FAM120A: variants seen among roughly 807,000 people sequenced by gnomAD.
FAM120A encodes family with sequence similarity 120 member A.
A neutral mutation model predicts 109.7 loss-of-function variants in FAM120A; 15 were observed. That is an observed-to-expected ratio of 0.14 (90% CI 0.09 to 0.21). FAM120A has a LOEUF of 0.21. FAM120A is among the 10% of genes least tolerant of loss of function. The pLI is 1.00. For synonymous variants in FAM120A, 493 were observed against 572.8 expected (o/e 0.86, Z 1.99); for missense variants, 899 against 1,439.3 (o/e 0.62, Z 6.07).
At chr9:93,523,297 T>C (rs1389152993) in intron 7 of FAM120A, 1 of 1,289,004 alleles carries the variant, frequency 7.8e-7, no homozygotes. Flanking sequence ...CAACTCTACT[T>C]GCAAAAAAAC....
chr9:93,537,637 G>A (rs1014637849), intron 10 of FAM120A, among the ~76,000 whole-genome samples: 4 of 151,988 alleles, frequency 2.6e-5, no homozygotes, highest in African/African-American at 7.3e-5. Flanking sequence ...ATTGATTCCT[G>A]TATTTTTAAA....
rs117880863 is a variant in FAM120A at position 93,460,924 on chromosome 9, A to G, written c.474+8535A>G. Among the ~76,000 whole-genome samples, 145 of 152,110 alleles carry G rather than the reference A, an allele frequency of 9.5e-4. No individual in the cohort carries two copies. The East Asian group carries it at 0.021, about 22-fold the overall frequency. On this transcript the variant is annotated intron_variant, in intron 1 of 17. Coordinates refer to ENST00000277165, the MANE Select transcript of FAM120A (RefSeq NM_014612.5). ...CCTTTTATGCTTCTTAACTTAGGAG[A>G]TGTGTTGAGGGCATAAAATGGGTGA...
At chr9:93,540,262 C>G (rs1242353466) in intron 10 of FAM120A, among the ~76,000 whole-genome samples, 1 of 152,234 alleles carries the variant, frequency 6.6e-6, no homozygotes, top group African/African-American at 2.4e-5. Flanking sequence ...GGTTCCACCT[C>G]TATTCTCTGG....
intron 3 of FAM120A, among the ~76,000 whole-genome samples, chr9:93,484,966 A>G (rs1216353892): frequency 6.6e-6 from 1 of 152,206 alleles, no homozygotes; most frequent in East Asian, 1.9e-4. Context: ...AACATTTTCT[A>G]GCTTACTTCC....
At chr9:93,563,313 T>C (rs1862537309) in intron 17 of FAM120A, among the ~76,000 whole-genome samples, 1 of 152,200 alleles carries the variant, frequency 6.6e-6, no homozygotes, top group African/African-American at 2.4e-5. Context: ...AATGACTGTT[T>C]GAAGGTGAAA....
At chr9:93,521,354 A>G (rs947506413) in intron 7 of FAM120A, among the ~76,000 whole-genome samples, 32 of 152,214 alleles carry the variant, frequency 2.1e-4, no homozygotes, top group Non-Finnish European at 1.6e-4. Flanking sequence ...GTGGTGGCTC[A>G]TGCTTTAATC....
intron 7 of FAM120A, among the ~76,000 whole-genome samples, chr9:93,519,963 AC>A (rs2131426015): frequency 6.6e-6 from 1 of 151,940 alleles, no homozygotes; most frequent in African/African-American, 2.4e-5. Flanking sequence ...GTAGCCTCAA[AC>A]TCCTGGGCTC....
chr9:93,518,672 C>T (rs771763059), intron 7 of FAM120A, among the ~76,000 whole-genome samples: 14 of 152,012 alleles, frequency 9.2e-5, no homozygotes, highest in African/African-American at 3.4e-4. Flanking sequence ...GAAGACATGC[C>T]GAGAGTGAGG....
chr9:93,479,090 ATTTTTTTTTTTTTTTT>A (rs11296612), intron 3 of FAM120A, among the ~76,000 whole-genome samples: 1 of 81,636 alleles, frequency 1.2e-5, no homozygotes, highest in Non-Finnish European at 2.3e-5. Context: ...AGGGTATTGC[ATTTTTTTTTTTTTTTT>A]TTTTTTTTTT....
chr9:93,489,287 T>C (rs1163688873), intron 3 of FAM120A, among the ~76,000 whole-genome samples: 1 of 152,326 alleles, frequency 6.6e-6, no homozygotes, highest in East Asian at 1.9e-4. Flanking sequence ...TGACTACTCA[T>C]AGAGTTGTGA....
intron 2 of FAM120A, among the ~76,000 whole-genome samples, chr9:93,473,087 G>A (rs1173751861): frequency 6.6e-6 from 1 of 151,696 alleles, no homozygotes; most frequent in Non-Finnish European, 1.5e-5. Flanking sequence ...GTGTGATCTT[G>A]GGTCACTGCA....
chr9:93,461,145 A>G (rs571494587), intron 1 of FAM120A, among the ~76,000 whole-genome samples: 9 of 152,324 alleles, frequency 5.9e-5, no homozygotes, highest in African/African-American at 2.2e-4. Flanking sequence ...TTTATGCGCC[A>G]GTCATTTGGC....
At chr9:93,473,809 A>G (rs1379995047) in intron 2 of FAM120A, among the ~76,000 whole-genome samples, 1 of 152,246 alleles carries the variant, frequency 6.6e-6, no homozygotes, top group Non-Finnish European at 1.5e-5. Context: ...ATTAAAATAT[A>G]AAAGGATATT....
intron 3 of FAM120A, among the ~76,000 whole-genome samples, chr9:93,489,419 C>T (rs1003459894): frequency 4.6e-5 from 7 of 152,304 alleles, no homozygotes; most frequent in Admixed American, 4.6e-4. Flanking sequence ...ACAGTTTCCT[C>T]CTTGGACTGG....
intron 12 of FAM120A, among the ~76,000 whole-genome samples, chr9:93,553,917 A>G (rs903331227): frequency 3.3e-5 from 5 of 152,088 alleles, no homozygotes; most frequent in Non-Finnish European, 7.4e-5. Flanking sequence ...GAAAAACACC[A>G]CATAATGTAA....
chr9:93,551,164 T>TA (rs1459409089), intron 12 of FAM120A, among the ~76,000 whole-genome samples: 3 of 152,200 alleles, frequency 2.0e-5, no homozygotes, highest in African/African-American at 4.8e-5. Context: ...AAATCCCTTA[T>TA]AAAAAACCAC....
At chr9:93,539,813 A>G (rs758195638) in intron 10 of FAM120A, among the ~76,000 whole-genome samples, 2 of 152,236 alleles carry the variant, frequency 1.3e-5, no homozygotes, top group Non-Finnish European at 1.5e-5. Flanking sequence ...AGCAGCAGAC[A>G]TTCTCATCTC....
chr9:93,550,559 G>A lies in FAM120A; in HGVS notation c.2160-18G>A. 6.2e-7 allele frequency: 1 copy of A among 1,605,624 alleles called. No individual in the cohort carries two copies. The highest frequency in any genetic ancestry group is 8.5e-7 in the Non-Finnish European group (1 of 1,173,572). Reference sequence around the variant, plus strand: ...ACCACTCAGTAATCACCAACCTTTTGTTTCTGCCCCTCACCAGGTACATGG... The same window carrying A: ...ACCACTCAGTAATCACCAACCTTTTATTTCTGCCCCTCACCAGGTACATGG... On this transcript the variant is annotated intron_variant, in intron 11 of 17. Coordinates refer to ENST00000277165, the MANE Select transcript of FAM120A (RefSeq NM_014612.5).
chr9:93,556,697 C>A, intron 13 of FAM120A, 106 bp downstream of exon 13: 1 of 1,218,872 alleles, frequency 8.2e-7, no homozygotes, highest in South Asian at 1.4e-5. Flanking sequence ...TTTCAAGATT[C>A]TGTTTTAGGT....
Sources: allele counts gnomAD v4.1 joint callset (sites outside exome capture counted in the v4.1 genomes callset), GRCh38; gene constraint gnomAD v4.1.1; transcripts MANE v1.5; gene names NCBI Gene and HGNC (gene_info 2026-07-23, HGNC 2026-07-21).